IL15RA: variants seen among roughly 807,000 people sequenced by gnomAD.
IL15RA encodes interleukin-15 receptor subunit alpha.
In IL15RA, 26 loss-of-function variants were observed where a neutral mutation model predicts 24.2. That is an observed-to-expected ratio of 1.07 (90% confidence interval 0.79 to 1.49). IL15RA has a LOEUF of 1.49. IL15RA is among the 40% of genes most tolerant of loss of function. The pLI, the probability that IL15RA is intolerant of heterozygous loss-of-function variation, is 0.00. For missense variants in IL15RA, 354 were observed against 356.4 expected, an observed-to-expected ratio of 0.99 and a Z score of 0.05; for synonymous variants, 166 against 157.6, an observed-to-expected ratio of 1.05 and a Z score of -0.40.
In IL15RA at chr10:5,956,405, A is replaced by G. The variant is rs1466689108; in HGVS notation, c.666T>C (p.Ser222=). Residue 222 remains serine, a synonymous_variant, in exon 6 of 7, where the codon TCT becomes TCC. Coordinates refer to ENST00000379977, the MANE Select transcript of IL15RA (RefSeq NM_002189.4). ...TTGACTTGAGGTAGCATGCCAGGAGAGACACAGCGCTCAGCCCACACAGCA... is the reference window on the plus strand; with the variant it reads ...TTGACTTGAGGTAGCATGCCAGGAGGGACACAGCGCTCAGCCCACACAGCA... ...TVLLCGLSAV[S]LLACYLKSRQ... is the part of the protein sequence containing the mutation. 6.2e-7 allele frequency: 1 copy of G among 1,614,020 alleles called. No individual in the cohort carries two copies. Among genetic ancestry groups the G allele is most frequent in the Admixed American group, 1.7e-5 (1 of 60,024 alleles).
chr10:5,975,534 A>T lies in IL15RA; in HGVS notation c.88+1871T>A, dbSNP rs1838297624. ...TACCTCCAAACTTATCAAAGTGTGC[A>T]ACTTCAATATATGCAGTTTATTGTC... On this transcript the variant is annotated intron_variant, in intron 1 of 6. Transcript: ENST00000379977. The surrounding 1 kb of genome is among the most constrained non-coding windows in gnomAD (Gnocchi z 4.8). 6.6e-6 allele frequency among the ~76,000 whole-genome samples: 1 copy of T among 152,110 alleles called. No homozygotes were observed. The highest frequency in any genetic ancestry group is 1.5e-5 in the Non-Finnish European group (1 of 68,024).
rs1476239300 is a variant in IL15RA, at chr10:5,960,273, T to C, written c.583+94A>G. On this transcript the variant is annotated intron_variant, in intron 4 of 6. Coordinates refer to ENST00000379977, the MANE Select transcript of IL15RA (RefSeq NM_002189.4). This position sits in a 1 kb window ranked among gnomAD's most constrained non-coding sequence, Gnocchi z 5.1. ...TGCCCAGTGAATCCTGACTTTGGAT[T>C]GATGGTATAAAGCTGCCTTGTGCCG... 1.7e-6 allele frequency: 2 copies of C among 1,161,086 alleles called. No homozygotes were observed. Among genetic ancestry groups the C allele is most frequent in the Non-Finnish European group, 2.6e-6 (2 of 780,598 alleles). The allele number at this position is 1,161,086 out of a possible 1,614,324, so 71.9% of individuals were successfully genotyped here.
chr10:5,949,279 G>A (rs1407574259), downstream of IL15RA: 2 of 471,272 alleles, frequency 4.2e-6, no homozygotes, highest in African/African-American at 4.0e-5. This position sits in a 1 kb window ranked among gnomAD's most constrained non-coding sequence, Gnocchi z 4.4. Context: ...TTCAGGAGAG[G>A]AGGAGGTGTT....
At position 5,965,877 on chromosome 10, in the gene IL15RA, C is replaced by T. The variant is rs141552265; in HGVS notation, c.283+268G>A. Among the ~76,000 whole-genome samples the T allele has an allele frequency of 4.7e-4, 72 of 152,278 alleles. No individual in the cohort carries two copies. The highest frequency in any genetic ancestry group is 1.7e-3 in the African/African-American group (71 of 41,550). On this transcript the variant is annotated intron_variant, in intron 2 of 6. Transcript: ENST00000379977. The surrounding 1 kb of genome is among the most constrained non-coding windows in gnomAD (Gnocchi z 5.8). The stretch of plus-strand genomic sequence containing the variant: ...CTGGGATTACAGGCGCCTGCCACCA[C>T]GCCCGGCTACTTTTTGTATTTTTAG...
Position 5,967,039 on chromosome 10 carries a change from A to G in IL15RA, c.89-700T>C, listed in dbSNP as rs1391783366. Reference sequence around the variant, plus strand: ...GCTGGGATTACAGGTGTGAGCCACCATGCCAGGCCCTGAATTTCTATTCTA... The same window carrying G: ...GCTGGGATTACAGGTGTGAGCCACCGTGCCAGGCCCTGAATTTCTATTCTA... On this transcript the variant is annotated intron_variant, in intron 1 of 6. Coordinates refer to ENST00000379977, the MANE Select transcript of IL15RA (RefSeq NM_002189.4). The surrounding 1 kb of genome is among the most constrained non-coding windows in gnomAD (Gnocchi z 4.4). Among the ~76,000 whole-genome samples, 1 of 151,376 alleles carries G rather than the reference A, an allele frequency of 6.6e-6. No homozygotes were observed. Among genetic ancestry groups the G allele is most frequent in the Non-Finnish European group, 1.5e-5 (1 of 67,802 alleles).
upstream of IL15RA, chr10:5,977,560 G>C (rs967522089): frequency 2.4e-6 from 3 of 1,272,008 alleles, no homozygotes; most frequent in South Asian, 8.0e-5. Flanking sequence ...GGGAGGTGGC[G>C]AGCGCTGCTC....
In IL15RA at chr10:5,965,787, C is replaced by T. The variant is rs958508216; in HGVS notation, c.283+358G>A. ...CCAGGCTGGAGTGCAGTGGTGTGAT[C>T]GCGGCTCACTGTGACCTCTACCTCC... On this transcript the variant is annotated intron_variant, in intron 2 of 6. Transcript: ENST00000379977. This position sits in a 1 kb window ranked among gnomAD's most constrained non-coding sequence, Gnocchi z 5.8. Among the ~76,000 whole-genome samples, 6 of 152,176 alleles carry T rather than the reference C, an allele frequency of 3.9e-5. No homozygotes were observed. The South Asian group carries it at 6.2e-4, about 16-fold the overall frequency.
rs757703118 is a variant in IL15RA, at chr10:5,959,907, C to G, written c.584-121G>C. ...AGCACCCTGGGAGACTCGTGGCTGG[C>G]GTAACCAGACTCATTTTAGCAAAGA... On this transcript the variant is annotated intron_variant, in intron 4 of 6. Transcript: ENST00000379977. The surrounding 1 kb of genome is among the most constrained non-coding windows in gnomAD (Gnocchi z 4.1). 1.2e-6 allele frequency: 1 copy of G among 844,548 alleles called. No homozygotes were observed. The highest frequency in any genetic ancestry group is 2.0e-6 in the Non-Finnish European group (1 of 512,564). 52.3% of individuals were successfully genotyped at this position (844,548 alleles called of 1,614,324 possible). A position where few individuals can be genotyped will look rare whatever the true frequency, so the allele number is the denominator to read the frequency against.
At position 5,963,169 on chromosome 10, in the gene IL15RA, A is replaced by G. The variant is rs571162235; in HGVS notation, c.382+574T>C. ...AGCAAGCGCCTTGGAAGACGGGGACATGGTCTCCCCTGGAGCAGAGAGCAG... is the reference window on the plus strand; with the variant it reads ...AGCAAGCGCCTTGGAAGACGGGGACGTGGTCTCCCCTGGAGCAGAGAGCAG... On this transcript the variant is annotated intron_variant, in intron 3 of 6. Transcript: ENST00000379977. The surrounding 1 kb of genome is among the most constrained non-coding windows in gnomAD (Gnocchi z 5.3). Among the ~76,000 whole-genome samples the G allele has an allele frequency of 6.6e-6, 1 of 152,362 alleles. No homozygotes were observed. Among genetic ancestry groups the G allele is most frequent in the East Asian group, 1.9e-4 (1 of 5,184 alleles).
chr10:5,954,922 A>G (rs975126196), intron 6 of IL15RA, among the ~76,000 whole-genome samples: 2 of 152,092 alleles, frequency 1.3e-5, no homozygotes, highest in Admixed American at 6.6e-5. Context: ...TGAGTAACAT[A>G]TCAATGTTTG....
Position 5,953,300 on chromosome 10 carries a change from C to T in IL15RA, c.693-94G>A, listed in dbSNP as rs561794197. ...CACTGAGCATGTATGTCCAGCACTG[C>T]GGGGATGGCAGGAGCAGACAGAGGC... On this transcript the variant is annotated intron_variant, in intron 6 of 6. Transcript: ENST00000379977. The surrounding 1 kb of genome is among the most constrained non-coding windows in gnomAD (Gnocchi z 5.3). The T allele has an allele frequency of 6.6e-6, 6 of 902,738 alleles. No homozygotes were observed. The highest frequency in any genetic ancestry group is 2.7e-5 in the South Asian group (2 of 73,860). 55.9% of individuals were successfully genotyped at this position (902,738 alleles called of 1,614,324 possible). A position where few individuals can be genotyped will look rare whatever the true frequency, so the allele number is the denominator to read the frequency against.
chr10:5,948,936 C>T (rs4367845), downstream of IL15RA: 170,960 of 223,200 alleles, frequency 0.77, 66,218 homozygotes, highest in African/African-American at 0.88. Context: ...TTATACAAGG[C>T]ACAATGTCAA....
downstream of IL15RA, among the ~76,000 whole-genome samples, chr10:5,950,115 T>C (rs1833770520): frequency 6.6e-6 from 1 of 152,078 alleles, no homozygotes; most frequent in South Asian, 2.1e-4. The surrounding 1 kb of genome is among the most constrained non-coding windows in gnomAD (Gnocchi z 5.6). Context: ...GTCTTATTTC[T>C]TGATCAAGAA....
chr10:5,954,342 C>T (rs1314745410), intron 6 of IL15RA, among the ~76,000 whole-genome samples: 1 of 151,948 alleles, frequency 6.6e-6, no homozygotes, highest in Non-Finnish European at 1.5e-5. Context: ...ACAAAAAAAG[C>T]GATGCATGCA....
rs778629655 is a variant in IL15RA, at chr10:5,960,522, G to A, written c.428C>T (p.Thr143Ile). 4.3e-6 allele frequency: 7 copies of A among 1,614,078 alleles called. No individual in the cohort carries two copies. The highest frequency in any genetic ancestry group is 5.9e-6 in the Non-Finnish European group (7 of 1,180,038). Residue 143 changes from threonine to isoleucine, a missense_variant, in exon 4 of 7, where the codon ACA becomes ATA. Transcript: ENST00000379977. This position sits in a 1 kb window ranked among gnomAD's most constrained non-coding sequence, Gnocchi z 5.1. Reference protein sequence around the residue: ...SPSSNNTAATTAAIVPGSQLM... With the variant: ...SPSSNNTAATIAAIVPGSQLM... ...CTGGGAGCCCGGGACAATAGCTGCT[G>A]TTGTGGCCGCTGTGTTGTTTGAGCT...
chr10:5,960,825 T>G lies in IL15RA; in HGVS notation c.383-258A>C, dbSNP rs1835383901. On this transcript the variant is annotated intron_variant, in intron 3 of 6. Transcript: ENST00000379977. The surrounding 1 kb of genome is among the most constrained non-coding windows in gnomAD (Gnocchi z 5.1). ...AGCCAGACACAGTGGGTCATGCCTATAATCCCAACACTTTGGGAGGCTGAG... is the reference window on the plus strand; with the variant it reads ...AGCCAGACACAGTGGGTCATGCCTAGAATCCCAACACTTTGGGAGGCTGAG... Among the ~76,000 whole-genome samples, 1 of 152,198 alleles carries G rather than the reference T, an allele frequency of 6.6e-6. No homozygotes were observed. The highest frequency in any genetic ancestry group is 1.5e-5 in the Non-Finnish European group (1 of 68,032).
At position 5,970,254 on chromosome 10, in the gene IL15RA, A is replaced by G. The variant is rs1471587978; in HGVS notation, c.89-3915T>C. Among the ~76,000 whole-genome samples, 3 of 152,176 alleles carry G rather than the reference A, an allele frequency of 2.0e-5. No individual in the cohort carries two copies. Among genetic ancestry groups the G allele is most frequent in the Non-Finnish European group, 2.9e-5 (2 of 68,040 alleles). On this transcript the variant is annotated intron_variant, in intron 1 of 6. Transcript: ENST00000379977. The surrounding 1 kb of genome is among the most constrained non-coding windows in gnomAD (Gnocchi z 4.1). ...CCGGTGATGTTATACCACCACATAC[A>G]TATCCTGTAAAGATCTGAAACAGCA... is the stretch of plus-strand genomic sequence containing the variant.
At chr10:5,978,678 C>T (rs1838786775), upstream of IL15RA, among the ~76,000 whole-genome samples, 1 of 152,168 alleles carries the variant, frequency 6.6e-6, no homozygotes, top group African/African-American at 2.4e-5. This position sits in a 1 kb window ranked among gnomAD's most constrained non-coding sequence, Gnocchi z 5.2. Context: ...GGTGGATCGC[C>T]TGAAGTCAGG....
Position 5,953,172 on chromosome 10 carries a change from C to A in IL15RA, c.727G>T (p.Ala243Ser). ...CAAGTCACCGGCAGAGCCTCCATGGCTTCCATTTCAACGCTGGCCAGCGGG... is the reference window on the plus strand; with the variant it reads ...CAAGTCACCGGCAGAGCCTCCATGGATTCCATTTCAACGCTGGCCAGCGGG... ...TPPLASVEMEAMEALPVTWGT... is the reference protein window; with the variant it reads ...TPPLASVEMESMEALPVTWGT... The change falls in exon 7 of 7, where the codon GCC (alanine) becomes TCC (serine). Residue 243 changes from alanine (A) to serine (S), a missense_variant. By Grantham distance (99) the Ala-to-Ser change is moderately conservative. Transcript: ENST00000379977. This position sits in a 1 kb window ranked among gnomAD's most constrained non-coding sequence, Gnocchi z 5.3. 1 of 1,614,232 alleles carries A rather than the reference C, an allele frequency of 6.2e-7. No homozygotes were observed. Among genetic ancestry groups the A allele is most frequent in the Non-Finnish European group, 8.5e-7 (1 of 1,180,030 alleles).
Sources: gnomAD v4.1 joint callset for allele counts (sites outside exome capture counted in the v4.1 genomes callset) on GRCh38, gnomAD v4.1.1 for gene constraint, Gnocchi (gnomAD v3.1) non-coding constraint, MANE v1.5 for transcripts, NCBI Gene and HGNC (gene_info 2026-07-23, HGNC 2026-07-21) for gene names.